Variants in PCLO observed in about 807,000 individuals in gnomAD.
The protein encoded by PCLO is protein piccolo.
Under a neutral mutation model 427.5 loss-of-function variants are expected in PCLO, and 82 were observed. The observed-to-expected ratio is 0.19, with a 90% CI of 0.16 to 0.23. The LOEUF (loss-of-function observed/expected upper bound fraction) is 0.23, where lower values mean the gene tolerates loss of function less well. Ranked by LOEUF, PCLO falls within the 10% of genes least tolerant of loss-of-function variation. The probability of loss-of-function intolerance (pLI) is 1.00; values close to 1 mark genes in which losing one functional copy is unlikely to be tolerated. For synonymous variants in PCLO, 2,357 were observed against 2,155.4 expected (o/e 1.09, Z -2.59); for missense variants, 6,239 against 6,115.9 (o/e 1.02, Z -0.67).
At chr7:83,154,202 A>C (rs1161568420) in intron 2 of PCLO, among the ~76,000 whole-genome samples, 1 of 152,322 alleles carries the variant, frequency 6.6e-6, no homozygotes, top group South Asian at 2.1e-4. Context: ...CAACTTCTTC[A>C]TTTTGTGAAA....
intron 15 of PCLO, 43 bp downstream of exon 15, chr7:82,838,175 T>C (rs1584031269): frequency 7.0e-7 from 1 of 1,431,406 alleles, no homozygotes; most frequent in East Asian, 2.3e-5. Context: ...TACTATACTA[T>C]TGTTTTAAAG....
intron 3 of PCLO, among the ~76,000 whole-genome samples, chr7:82,983,610 T>C (rs1796195989): frequency 6.7e-6 from 1 of 149,164 alleles, no homozygotes; most frequent in Non-Finnish European, 1.5e-5. Context: ...TAAGTTTTTA[T>C]ATTTATTTAT....
chr7:82,977,528 T>C (rs1796047720), intron 3 of PCLO, among the ~76,000 whole-genome samples: 1 of 151,960 alleles, frequency 6.6e-6, no homozygotes, highest in African/African-American at 2.4e-5. Context: ...TTCTCCTGCC[T>C]CAGCCTCCCG....
At chr7:83,023,865 T>TG (rs1173916470) in intron 3 of PCLO, among the ~76,000 whole-genome samples, 1 of 152,208 alleles carries the variant, frequency 6.6e-6, no homozygotes, top group Non-Finnish European at 1.5e-5. Context: ...GCAAATCTTA[T>TG]GGTTTCTCAA....
chr7:83,044,162 C>T (rs1303164430), intron 3 of PCLO, among the ~76,000 whole-genome samples: 1 of 151,986 alleles, frequency 6.6e-6, no homozygotes, highest in Non-Finnish European at 1.5e-5. Context: ...GAAACTGCCA[C>T]TTTTAAAACC....
chr7:82,818,876 A>G (rs1207804854), intron 20 of PCLO, among the ~76,000 whole-genome samples: 1 of 152,204 alleles, frequency 6.6e-6, no homozygotes, highest in South Asian at 2.1e-4. Flanking sequence ...TATTATTTTC[A>G]GAATGCGGAT....
At chr7:82,935,194 TAAAAAAAAAAAAAAAAA>T (rs528188502) in intron 6 of PCLO, among the ~76,000 whole-genome samples, 17 of 84,232 alleles carry the variant, frequency 2.0e-4, no homozygotes, top group Admixed American at 1.4e-4. Flanking sequence ...CCTGGTATAC[TAAAAAAAAAAAAAAAAA>T]AAAAAAAAAA....
chr7:82,798,109 T>A (rs986748699), intron 22 of PCLO, among the ~76,000 whole-genome samples: 1 of 152,172 alleles, frequency 6.6e-6, no homozygotes, highest in African/African-American at 2.4e-5. Context: ...AAATCTATGA[T>A]ATACTCTGGA....
chr7:82,811,435 T>C (rs1378971500), intron 20 of PCLO, among the ~76,000 whole-genome samples: 1 of 151,522 alleles, frequency 6.6e-6, no homozygotes, highest in Non-Finnish European at 1.5e-5. Context: ...TGTTTTTTGA[T>C]ATTTTTACTA....
rs534970958 is a variant in PCLO at position 82,781,217 on chromosome 7, A to C, written c.15008-19724T>G. 5.6e-3 allele frequency among the ~76,000 whole-genome samples: 843 copies of C among 151,800 alleles called. 1 individual carries two copies. The highest frequency in any genetic ancestry group is 7.9e-3 in the Non-Finnish European group (539 of 67,912). On this transcript the variant is annotated intron_variant, in intron 22 of 24. Coordinates refer to ENST00000333891, the MANE Select transcript of PCLO (RefSeq NM_033026.6). Reference sequence around the variant, plus strand: ...AAGGTAAAAAGATCATGTTCCTGACAATGTTTAATATAAATTTAATTAAAT... The same window carrying C: ...AAGGTAAAAAGATCATGTTCCTGACCATGTTTAATATAAATTTAATTAAAT...
chr7:82,961,435 G>A (rs183377834), intron 4 of PCLO, among the ~76,000 whole-genome samples: 11 of 152,262 alleles, frequency 7.2e-5, no homozygotes, highest in South Asian at 4.1e-4. Flanking sequence ...GAATGTTAGC[G>A]GTTGCTTGAA....
At chr7:83,160,082 T>C (rs1377466235) in intron 1 of PCLO, among the ~76,000 whole-genome samples, 6 of 152,162 alleles carry the variant, frequency 3.9e-5, no homozygotes, top group African/African-American at 7.2e-5. Flanking sequence ...CCATTGCTGA[T>C]ACCGATATTG....
chr7:83,111,716 C>T (rs1250707706), intron 3 of PCLO, among the ~76,000 whole-genome samples: 1 of 152,196 alleles, frequency 6.6e-6, no homozygotes, highest in South Asian at 2.1e-4. Flanking sequence ...CCTTACCATG[C>T]TGAACTTCTG....
intron 3 of PCLO, among the ~76,000 whole-genome samples, chr7:82,967,687 A>G (rs999972836): frequency 6.6e-6 from 1 of 152,216 alleles, no homozygotes; most frequent in Non-Finnish European, 1.5e-5. Flanking sequence ...CTCTGATAAG[A>G]ATATAGAACA....
intron 3 of PCLO, among the ~76,000 whole-genome samples, chr7:82,993,414 T>C (rs1051018132): frequency 1.3e-5 from 2 of 151,920 alleles, no homozygotes; most frequent in Non-Finnish European, 2.9e-5. Context: ...TGGAATAGAG[T>C]AAGGCTTTGG....
chr7:82,835,208 T>A (rs1792202120), intron 16 of PCLO, among the ~76,000 whole-genome samples: 1 of 152,084 alleles, frequency 6.6e-6, no homozygotes, highest in Admixed American at 6.6e-5. Context: ...CCTCCCAAAG[T>A]CCTGGGATTA....
At chr7:83,027,798 C>A in intron 3 of PCLO, among the ~76,000 whole-genome samples, 1 of 101,160 alleles carries the variant, frequency 9.9e-6, no homozygotes, top group Admixed American at 1.0e-4. Flanking sequence ...AAGGCTGGTT[C>A]AATATATGTA....
chr7:83,158,939 T>C (rs1162618432), intron 1 of PCLO, among the ~76,000 whole-genome samples: 1 of 152,040 alleles, frequency 6.6e-6, no homozygotes, highest in Non-Finnish European at 1.5e-5. Context: ...TGCTGTCTTT[T>C]GGTGAAATTT....
rs183986824 is a variant in PCLO at position 83,020,779 on chromosome 7, G to A, written c.3301-54292C>T. On this transcript the variant is annotated intron_variant, in intron 3 of 24. Coordinates refer to ENST00000333891, the MANE Select transcript of PCLO (RefSeq NM_033026.6). ...TAGTGAAGTGGTCCCTATAAATTTC[G>A]TAAAATTAATCAGGGAAGAAGGGAA... Among the ~76,000 whole-genome samples, 348 of 152,134 alleles carry A rather than the reference G, an allele frequency of 2.3e-3. 2 individuals carry two copies. Among genetic ancestry groups the A allele is most frequent in the Non-Finnish European group, 3.5e-3 (240 of 67,974 alleles).
Sources: allele counts gnomAD v4.1 joint callset (sites outside exome capture counted in the v4.1 genomes callset), GRCh38; gene constraint gnomAD v4.1.1; transcripts MANE v1.5; gene names NCBI Gene and HGNC (gene_info 2026-07-23, HGNC 2026-07-21).